Variants in TEP1 observed in about 807,000 individuals in gnomAD.
TEP1 encodes telomerase protein component 1.
A neutral mutation model predicts 306.3 loss-of-function variants in TEP1; 241 were observed. The ratio of observed to expected loss-of-function variants is 0.79; its 90% CI spans 0.71 to 0.88. TEP1 has a LOEUF of 0.88. Among genes scored for constraint, TEP1 ranks in the 40% least tolerant of loss-of-function variants. TEP1 has a pLI of 0.00. For synonymous variants in TEP1, 1,289 were observed against 1,305.5 expected (o/e 0.99, Z 0.27); for missense variants, 3,051 against 3,276.1 (o/e 0.93, Z 1.68).
intron 12 of TEP1, among the ~76,000 whole-genome samples, chr14:20,392,166 T>G (rs1278997005): frequency 6.6e-6 from 1 of 152,214 alleles, no homozygotes; most frequent in Admixed American, 6.5e-5. Context: ...ATCCCACCTT[T>G]CCCATACAAT....
chr14:20,384,604 G>T lies in TEP1; in HGVS notation c.3217C>A (p.Arg1073Ser). Residue 1073 changes from arginine (R) to serine (S), a missense_variant, in exon 22 of 55, where the codon CGC (arginine) becomes AGC (serine). This residue lies in a region of TEP1 where 1,507 missense variants were observed against 1,550.5 expected (regional missense o/e 0.97). Transcript: ENST00000262715. The part of the protein sequence containing the change: ...YLSRQKGITC[R>S]RYPCEWGGVA... ...TCCCTACCTCCCTCAGCTCACCTGC[G>T]GCAGGTGATCCCTTTCTGTCTGCTT... 1.2e-6 allele frequency: 2 copies of T among 1,613,536 alleles called. No individual in the cohort carries two copies. The highest frequency in any genetic ancestry group is 4.5e-5 in the East Asian group (2 of 44,866).
intron 51 of TEP1, 82 bp from the exon 52 acceptor site, chr14:20,369,861 G>T: frequency 8.8e-7 from 1 of 1,132,160 alleles, no homozygotes; most frequent in Non-Finnish European, 1.3e-6. Flanking sequence ...TCTGCTCTGG[G>T]CTGGTCAGGA....
intron 35 of TEP1, among the ~76,000 whole-genome samples, 158 bp from the exon 36 acceptor site, chr14:20,379,263 G>A (rs750307915): frequency 2.6e-5 from 4 of 152,208 alleles, no homozygotes; most frequent in Admixed American, 1.3e-4. Context: ...TGGGGGCCTC[G>A]TGATCCAAGT....
intron 51 of TEP1, among the ~76,000 whole-genome samples, chr14:20,370,493 C>G (rs757601501): frequency 2.6e-5 from 4 of 152,152 alleles, no homozygotes; most frequent in Non-Finnish European, 4.4e-5. Flanking sequence ...ATAATGTCTA[C>G]GAGGTATGTC....
At chr14:20,409,781 G>T (rs1003847701) in intron 1 of TEP1, among the ~76,000 whole-genome samples, 1 of 152,086 alleles carries the variant, frequency 6.6e-6, no homozygotes, top group Non-Finnish European at 1.5e-5. Context: ...AGCACTTTGG[G>T]AGGCCGAGGC....
rs769029457 is a variant in TEP1 at position 20,371,498 on chromosome 14, G to A, written c.7211C>T (p.Ser2404Phe). Residue 2404 changes from serine (S) to phenylalanine (F), a missense_variant, in exon 50 of 55, where the codon TCT (serine) becomes TTT (phenylalanine). By Grantham distance (155) the Ser-to-Phe change is radical. Transcript: ENST00000262715. ...LLCMKPGDAPSEIWSSYTENP... is the reference protein window; with the variant it reads ...LLCMKPGDAPFEIWSSYTENP... ...GCATTTTGGATCTTACCAGATTTCA[G>A]ATGGAGCATCCCCTGGCTTCATGCA... The A allele has an allele frequency of 6.2e-7, 1 of 1,609,454 alleles. No individual in the cohort carries two copies. Among genetic ancestry groups the A allele is most frequent in the Non-Finnish European group, 8.5e-7 (1 of 1,179,108 alleles).
rs965135557 is a variant in TEP1 at position 20,369,243 on chromosome 14, C to T, written c.7656+101G>A. On this transcript the variant is annotated intron_variant, in intron 53 of 54. Coordinates refer to ENST00000262715, the MANE Select transcript of TEP1 (RefSeq NM_007110.5). ...CAGGATGGTCTTGATCTCCTGACCTCATTATCTGCCCGCCTAGGCCTCCCA... is the reference window on the plus strand; with the variant it reads ...CAGGATGGTCTTGATCTCCTGACCTTATTATCTGCCCGCCTAGGCCTCCCA... 5.9e-6 allele frequency: 7 copies of T among 1,187,214 alleles called. No homozygotes were observed. In the African/African-American group the frequency reaches 1.1e-4, roughly 18 times the overall value. The allele number at this position is 1,187,214 out of a possible 1,614,324, so 73.5% of individuals were successfully genotyped here. A position where few individuals can be genotyped will look rare whatever the true frequency, so the allele number is the denominator to read the frequency against.
rs1265815416 is a variant in TEP1 at position 20,407,993 on chromosome 14, G to A, written c.447C>T (p.Cys149=). Residue 149 remains cysteine, a synonymous_variant, in exon 2 of 55, where the codon TGC becomes TGT. Transcript: ENST00000262715. ...ADLYRVNNSN[C]LLSEPPSWRA... ...TCCAACTTGGAGGCTCAGAGAGCAG[G>A]CAATTGCTGTTGTTCACACGGTACA... 7 of 1,614,060 alleles carry A rather than the reference G, an allele frequency of 4.3e-6. No homozygotes were observed. The Admixed American group carries it at 1.0e-4, about 23-fold the overall frequency.
In TEP1 at chr14:20,377,752, A is replaced by G. The variant is rs1324060425; in HGVS notation, c.5723T>C (p.Val1908Ala). ...QLLTAGEDGK[V>A]QVWSGSLGRP... is the part of the protein sequence containing the mutation. ...ACCCAGAGACCCTGACCACACCTGA[A>G]CCTGGGAACCAAGAAAAGGGCTTAA... is the stretch of plus-strand genomic sequence containing the variant. Residue 1908 changes from valine to alanine, a missense_variant and splice_region_variant, in exon 40 of 55, where the codon GTT becomes GCT. This residue lies in a region of TEP1 where 1,540 missense variants were observed against 1,705.9 expected (regional missense o/e 0.90). Coordinates refer to ENST00000262715, the MANE Select transcript of TEP1 (RefSeq NM_007110.5). 4 of 1,613,126 alleles carry G rather than the reference A, an allele frequency of 2.5e-6. 1 individual carries two copies. In the South Asian group the frequency reaches 4.4e-5, roughly 18 times the overall value.
intron 12 of TEP1, 41 bp downstream of exon 12, chr14:20,395,409 C>T (rs1878110604): frequency 1.3e-6 from 2 of 1,525,082 alleles, no homozygotes; most frequent in Non-Finnish European, 1.8e-6. Flanking sequence ...CCAGGGTAGC[C>T]CCGATTGCCC....
Position 20,386,454 on chromosome 14 carries a change from T to C in TEP1, c.2854A>G (p.Arg952Gly). ...RWGVTEEETR[R>G]NRQLEVCLGE... ...TCTCTGCAGCCCCCACACCTGTTCC[T>C]ACGGGTCTCCTCCTCAGTGACGCCC... Residue 952 changes from arginine to glycine, a missense_variant, in exon 19 of 55, where the codon AGG becomes GGG. Coordinates refer to ENST00000262715, the MANE Select transcript of TEP1 (RefSeq NM_007110.5). The C allele has an allele frequency of 6.2e-7, 1 of 1,603,330 alleles. No individual in the cohort carries two copies. The highest frequency in any genetic ancestry group is 2.0e-4 in the Middle Eastern group (1 of 5,120).
rs1594314627 is a variant in TEP1 at position 20,368,806 on chromosome 14, T to C, written c.7753A>G (p.Met2585Val). The change falls in exon 54 of 55, where the codon ATG becomes GTG. Residue 2585 changes from methionine to valine, a missense_variant. Met to Val is a conservative substitution (Grantham distance 21, BLOSUM62 1). This residue lies in a region of TEP1 where 1,540 missense variants were observed against 1,705.9 expected (regional missense o/e 0.90). Transcript: ENST00000262715. ...RDVKLWERPS[M>V]QLLGLFRCEG... ...CACACACACACACTTACCAGCTGCA[T>C]ACTGGGTCTCTCCCATAGCTTAACA... 6.3e-7 allele frequency: 1 copy of C among 1,594,244 alleles called. No homozygotes were observed. Among genetic ancestry groups the C allele is most frequent in the East Asian group, 2.3e-5 (1 of 44,206 alleles).
intron 2 of TEP1, among the ~76,000 whole-genome samples, chr14:20,407,167 G>C (rs552720642): frequency 6.6e-6 from 1 of 152,198 alleles, no homozygotes; most frequent in Non-Finnish European, 1.5e-5. Context: ...AAAAGTGGAC[G>C]TGTATTTGCA....
intron 29 of TEP1, 62 bp from the exon 30 acceptor site, chr14:20,382,125 C>G (rs938852655): frequency 6.2e-7 from 1 of 1,610,556 alleles, no homozygotes; most frequent in East Asian, 2.2e-5. Flanking sequence ...CCCCACCACA[C>G]CCAGTCTCTC....
In TEP1 at chr14:20,369,316, G is replaced by A. The variant is rs186179795; in HGVS notation, c.7656+28C>T. On this transcript the variant is annotated intron_variant, in intron 53 of 54. Coordinates refer to ENST00000262715, the MANE Select transcript of TEP1 (RefSeq NM_007110.5). ...AGCCACTGCTCCCAGCCCTCCCCTA[G>A]TATTTCTGACCCTTCCTTCAAACTC... 5 of 1,611,934 alleles carry A rather than the reference G, an allele frequency of 3.1e-6. No homozygotes were observed. In the African/African-American group the frequency reaches 6.7e-5, roughly 22 times the overall value.
intron 1 of TEP1, among the ~76,000 whole-genome samples, chr14:20,410,016 G>C (rs1406647570): frequency 4.1e-5 from 2 of 48,578 alleles, no homozygotes; most frequent in Non-Finnish European, 7.2e-5. Context: ...GCAAGACTCT[G>C]TCTCAAAAAA....
intron 43 of TEP1, among the ~76,000 whole-genome samples, chr14:20,375,509 T>C (rs1049530059): frequency 6.6e-6 from 1 of 152,174 alleles, no homozygotes; most frequent in African/African-American, 2.4e-5. Flanking sequence ...ACCTTGGAAA[T>C]GTTCTGAGTT....
In TEP1 at chr14:20,401,912, G is replaced by A. The variant is rs560691106; in HGVS notation, c.1267-331C>T. Among the ~76,000 whole-genome samples, 17 of 152,278 alleles carry A rather than the reference G, an allele frequency of 1.1e-4. No homozygotes were observed. In the South Asian group the frequency reaches 1.2e-3, roughly 11 times the overall value. On this transcript the variant is annotated intron_variant, in intron 7 of 54. Transcript: ENST00000262715. ...GGAGGGGAAAGGGAAAATCAGCTCC[G>A]ATTTAAATCACTAAGACTCTTAATA...
chr14:20,373,268 AC>A lies in TEP1; in HGVS notation c.6814+1del. ...CCCTGTCTCTCTCCAAGCCTCACTC[AC>A]CTGCTTCCTTAGGAACCTGCCAGAG... On this transcript the variant is annotated splice_donor_variant, in intron 47 of 54. Coordinates refer to ENST00000262715, the MANE Select transcript of TEP1 (RefSeq NM_007110.5). LOFTEE classifies it high-confidence loss of function. 1 of 1,613,826 alleles carries A rather than the reference AC, an allele frequency of 6.2e-7. No homozygotes were observed. The highest frequency in any genetic ancestry group is 8.5e-7 in the Non-Finnish European group (1 of 1,179,806).
Sources: gnomAD v4.1 joint callset for allele counts (sites outside exome capture counted in the v4.1 genomes callset) on GRCh38, gnomAD v4.1.1 for gene constraint, gnomAD v4.1.1 regional missense constraint, MANE v1.5 for transcripts, NCBI Gene and HGNC (gene_info 2026-07-23, HGNC 2026-07-21) for gene names.